ST8SIA2: variants seen among roughly 807,000 people sequenced by gnomAD.
ST8SIA2 encodes ST8 alpha-N-acetyl-neuraminide alpha-2,8-sialyltransferase 2.
ST8SIA2 carries 22 observed loss-of-function variants against 37.6 expected under a neutral mutation model. That is an observed-to-expected ratio of 0.58 (90% confidence interval 0.42 to 0.83). The LOEUF (loss-of-function observed/expected upper bound fraction) is 0.83. Ranked by LOEUF, ST8SIA2 falls within the 40% of genes least tolerant of loss-of-function variation. ST8SIA2 has a pLI of 0.00. For missense variants in ST8SIA2, 382 were observed against 484.7 expected (o/e 0.79, Z 1.99); for synonymous variants, 205 against 201.2 (o/e 1.02, Z -0.16).
intron 1 of ST8SIA2, among the ~76,000 whole-genome samples, chr15:92,414,285 T>G (rs1272970817): frequency 6.6e-6 from 1 of 152,234 alleles, no homozygotes; most frequent in East Asian, 1.9e-4. Context: ...CGGATCTGAC[T>G]GGGTGAAGCT....
At chr15:92,408,781 C>G (rs2049528188) in intron 1 of ST8SIA2, among the ~76,000 whole-genome samples, 1 of 151,968 alleles carries the variant, frequency 6.6e-6, no homozygotes, top group Non-Finnish European at 1.5e-5. Flanking sequence ...TCTCAGCTCA[C>G]TGCAACCTCC....
chr15:92,401,377 A>G (rs2049469981), intron 1 of ST8SIA2, among the ~76,000 whole-genome samples: 1 of 152,120 alleles, frequency 6.6e-6, no homozygotes, highest in Non-Finnish European at 1.5e-5. Flanking sequence ...CTGGTTTTAA[A>G]TTCTCTTTAG....
In ST8SIA2 at chr15:92,444,892, G is replaced by C. The variant is rs931187981; in HGVS notation, c.805G>C (p.Ala269Pro). The change falls in exon 5 of 6, where the codon GCA becomes CCA. Residue 269 changes from alanine to proline, a missense_variant. Physicochemically the swap from Ala to Pro is conservative, Grantham distance 27. Transcript: ENST00000268164. ...ILKHHVNVRT[A>P]YPSLRLLHAV... ...GAAGCACCACGTCAACGTGCGCACTGCATACCCCTCGCTGCGCCTGCTGCA... is the reference window on the plus strand; with the variant it reads ...GAAGCACCACGTCAACGTGCGCACTCCATACCCCTCGCTGCGCCTGCTGCA... The C allele has an allele frequency of 6.8e-6, 11 of 1,613,044 alleles. No homozygotes were observed. The Admixed American group carries it at 1.8e-4, about 27-fold the overall frequency.
intron 1 of ST8SIA2, among the ~76,000 whole-genome samples, chr15:92,416,454 T>C (rs2049587505): frequency 2.0e-5 from 3 of 151,932 alleles, no homozygotes; most frequent in Non-Finnish European, 4.4e-5. Flanking sequence ...GAAGCAGGGT[T>C]TGGAAAACCG....
intron 1 of ST8SIA2, among the ~76,000 whole-genome samples, chr15:92,417,265 G>C (rs2049593907): frequency 6.6e-6 from 1 of 152,204 alleles, no homozygotes; most frequent in Admixed American, 6.5e-5. Context: ...AAGGCTTCCT[G>C]AGTGGTAACC....
At chr15:92,461,604 AG>A (rs1359459487) in intron 5 of ST8SIA2, among the ~76,000 whole-genome samples, 14 of 152,352 alleles carry the variant, frequency 9.2e-5, no homozygotes, top group African/African-American at 2.9e-4. Context: ...CCTTGGTAGC[AG>A]GAGGCACAAG....
chr15:92,399,835 TGTTTTAG>T, intron 1 of ST8SIA2, among the ~76,000 whole-genome samples: 1 of 152,338 alleles, frequency 6.6e-6, no homozygotes, highest in Middle Eastern at 3.4e-3. Context: ...GTTTTAAACA[TGTTTTAG>T]GTTTTACAAA....
At chr15:92,442,438 G>T (rs143628107) in intron 4 of ST8SIA2, among the ~76,000 whole-genome samples, 1 of 152,042 alleles carries the variant, frequency 6.6e-6, no homozygotes, top group East Asian at 1.9e-4. Flanking sequence ...CTCGTGAGCC[G>T]CCAGGGTCAG....
intron 5 of ST8SIA2, 99 bp downstream of exon 5, chr15:92,445,028 A>C: frequency 9.7e-6 from 15 of 1,543,118 alleles, no homozygotes; most frequent in African/African-American, 1.4e-5. Context: ...TCCCAGCTCC[A>C]CCACTCATTT....
At chr15:92,411,728 G>T (rs2141811001) in intron 1 of ST8SIA2, among the ~76,000 whole-genome samples, 1 of 152,274 alleles carries the variant, frequency 6.6e-6, no homozygotes, top group East Asian at 1.9e-4. Context: ...TCACCTCAAT[G>T]GTGGGCAGCT....
chr15:92,460,517 TCTC>T (rs2049950172), intron 5 of ST8SIA2, among the ~76,000 whole-genome samples: 1 of 152,214 alleles, frequency 6.6e-6, no homozygotes, highest in African/African-American at 2.4e-5. Context: ...CTGAGATTCT[TCTC>T]CTCTTTACAG....
intron 1 of ST8SIA2, among the ~76,000 whole-genome samples, chr15:92,418,310 A>G (rs922398944): frequency 3.3e-5 from 5 of 151,710 alleles, no homozygotes; most frequent in Admixed American, 6.6e-5. Context: ...CAAACAAAAA[A>G]AAAATATGGG....
At chr15:92,432,450 G>A (rs554958169) in intron 2 of ST8SIA2, among the ~76,000 whole-genome samples, 1 of 152,322 alleles carries the variant, frequency 6.6e-6, no homozygotes, top group African/African-American at 2.4e-5. Context: ...AGAACCTCAC[G>A]AGATGGATAT....
At chr15:92,399,318 C>T (rs1043433691) in intron 1 of ST8SIA2, among the ~76,000 whole-genome samples, 2 of 152,178 alleles carry the variant, frequency 1.3e-5, no homozygotes, top group African/African-American at 4.8e-5. Flanking sequence ...ACATCTGACC[C>T]ATCAGAACTG....
intron 5 of ST8SIA2, among the ~76,000 whole-genome samples, chr15:92,461,337 A>C (rs2049956217): frequency 6.6e-6 from 1 of 152,082 alleles, no homozygotes; most frequent in Admixed American, 6.5e-5. Flanking sequence ...CAAATATAAG[A>C]GGAAAAAGCC....
chr15:92,456,406 C>T (rs2049920037), intron 5 of ST8SIA2, among the ~76,000 whole-genome samples: 1 of 152,168 alleles, frequency 6.6e-6, no homozygotes, highest in African/African-American at 2.4e-5. Flanking sequence ...GTGAGGTGCC[C>T]ACTTTATATA....
chr15:92,399,833 C>T (rs2049457546), intron 1 of ST8SIA2, among the ~76,000 whole-genome samples: 1 of 152,174 alleles, frequency 6.6e-6, no homozygotes, highest in South Asian at 2.1e-4. Context: ...AGGTTTTAAA[C>T]ATGTTTTAGG....
Position 92,467,555 on chromosome 15 carries a change from TTG to T in ST8SIA2, c.*3174_*3175del, listed in dbSNP as rs1477671063. On this transcript the variant is annotated 3_prime_UTR_variant, in exon 6 of 6. Transcript: ENST00000268164. ...CCTCGGCACCCAGAATGCCACATTC[TTG>T]TGTTTTTTTCCTCCTTCTTTCCCAA... 3 of 152,648 alleles carry T rather than the reference TTG, an allele frequency of 2.0e-5. No individual in the cohort carries two copies. The highest frequency in any genetic ancestry group is 7.2e-5 in the African/African-American group (3 of 41,466). 9.5% of individuals were successfully genotyped at this position (152,648 alleles called of 1,614,324 possible).
At chr15:92,430,886 G>A (rs893260499) in intron 2 of ST8SIA2, among the ~76,000 whole-genome samples, 1 of 152,172 alleles carries the variant, frequency 6.6e-6, no homozygotes, top group Non-Finnish European at 1.5e-5. Flanking sequence ...TGGTCATTGT[G>A]GGAATAAGAG....
Sources: gnomAD v4.1 joint callset for allele counts (sites outside exome capture counted in the v4.1 genomes callset) on GRCh38, gnomAD v4.1.1 for gene constraint, MANE v1.5 for transcripts, NCBI Gene and HGNC (gene_info 2026-07-23, HGNC 2026-07-21) for gene names.